Variants in SGK3 observed in about 807,000 individuals in gnomAD.
SGK3 encodes serum/glucocorticoid regulated kinase family member 3.
A neutral mutation model predicts 68.5 loss-of-function variants in SGK3; 47 were observed. That is an observed-to-expected ratio of 0.69 (90% confidence interval 0.54 to 0.87). SGK3 has a LOEUF of 0.87. SGK3 is among the 40% of genes least tolerant of loss of function. The pLI is 0.00. For synonymous variants in SGK3, 181 were observed against 189.1 expected (o/e 0.96, Z 0.35); for missense variants, 479 against 575.5 (o/e 0.83, Z 1.72).
intron 6 of SGK3, among the ~76,000 whole-genome samples, chr8:66,825,007 T>TA (rs1334511695): frequency 6.6e-6 from 1 of 152,216 alleles, no homozygotes; most frequent in Non-Finnish European, 1.5e-5. Context: ...GTAATGTTTT[T>TA]AAAATCTATG....
chr8:66,858,099 A>G (rs968292028), intron 16 of SGK3, among the ~76,000 whole-genome samples: 1 of 152,130 alleles, frequency 6.6e-6, no homozygotes, highest in African/African-American at 2.4e-5. Context: ...TAACCGCTTC[A>G]TTTATTCATC....
chr8:66,821,273 CTG>C (rs992764158), intron 5 of SGK3, among the ~76,000 whole-genome samples: 1 of 151,870 alleles, frequency 6.6e-6, no homozygotes, highest in Admixed American at 6.6e-5. Context: ...CCTTATATGT[CTG>C]TGTATCTTTG....
intron 5 of SGK3, among the ~76,000 whole-genome samples, chr8:66,819,670 T>C (rs752578031): frequency 6.6e-6 from 1 of 152,202 alleles, no homozygotes; most frequent in Non-Finnish European, 1.5e-5. Context: ...ATGTTAACAG[T>C]GGTTGCTTCC....
At chr8:66,768,793 G>C (rs1359934406) in intron 1 of SGK3, among the ~76,000 whole-genome samples, 3 of 152,118 alleles carry the variant, frequency 2.0e-5, no homozygotes, top group African/African-American at 7.2e-5. Context: ...TCGAACTCCT[G>C]ACCTCAAGTG....
At chr8:66,829,867 A>AT (rs10689856) in intron 7 of SGK3, among the ~76,000 whole-genome samples, 10,280 of 137,762 alleles carry the variant, frequency 0.075, 570 homozygotes, top group East Asian at 0.26. Flanking sequence ...CAAAAAATGG[A>AT]TTTTTTTTTT....
intron 10 of SGK3, among the ~76,000 whole-genome samples, chr8:66,837,776 C>G (rs551377112): frequency 1.3e-5 from 2 of 151,874 alleles, no homozygotes; most frequent in East Asian, 1.9e-4. Context: ...AGAACAAGAC[C>G]CTGTGTCAAA....
At chr8:66,775,061 T>A (rs1806639813) in intron 1 of SGK3, 1 of 152,354 alleles carries the variant, frequency 6.6e-6, no homozygotes, top group African/African-American at 2.4e-5. Flanking sequence ...GCCCTGGGGC[T>A]GCACCCCACC....
At chr8:66,729,837 C>T (rs944926970) in intron 1 of SGK3, among the ~76,000 whole-genome samples, 6 of 152,014 alleles carry the variant, frequency 3.9e-5, no homozygotes, top group East Asian at 3.9e-4. Flanking sequence ...TTCCACCTCC[C>T]GGATTCAAGT....
intron 6 of SGK3, among the ~76,000 whole-genome samples, chr8:66,826,892 G>A (rs1448064448): frequency 3.3e-5 from 5 of 151,784 alleles, no homozygotes; most frequent in African/African-American, 2.4e-5. Flanking sequence ...TGATCCACTC[G>A]CCTTGGCCTC....
At position 66,861,099 on chromosome 8, in the gene SGK3, T is replaced by G. The variant is rs1810731145; in HGVS notation, c.*1518T>G. 3 of 152,116 alleles carry G rather than the reference T, an allele frequency of 2.0e-5. No homozygotes were observed. Among genetic ancestry groups the G allele is most frequent in the Non-Finnish European group, 4.4e-5 (3 of 68,038 alleles). 9.4% of individuals were successfully genotyped at this position (152,116 alleles called of 1,614,324 possible). A position where few individuals can be genotyped will look rare whatever the true frequency, so the allele number is the denominator to read the frequency against. On this transcript the variant is annotated 3_prime_UTR_variant, in exon 17 of 17. Coordinates refer to ENST00000521198, the MANE Select transcript of SGK3 (RefSeq NM_001033578.3). Reference sequence around the variant, plus strand: ...AATTGTGCCACTGCACTTTTCAGCCTGGGTGCCACAGCGAGACCCTAGTTA... The same window carrying G: ...AATTGTGCCACTGCACTTTTCAGCCGGGGTGCCACAGCGAGACCCTAGTTA...
In SGK3 at chr8:66,859,608, G is replaced by C; in HGVS notation, c.*27G>C. 6.3e-7 allele frequency: 1 copy of C among 1,596,314 alleles called. No individual in the cohort carries two copies. Among genetic ancestry groups the C allele is most frequent in the Non-Finnish European group, 8.6e-7 (1 of 1,168,148 alleles). On this transcript the variant is annotated 3_prime_UTR_variant, in exon 17 of 17. Transcript: ENST00000521198. ...CAGTTTGCCATTCAGAAACCATTGA[G>C]CAAAATAAGTCTATAGATGGGACTG...
At chr8:66,765,186 A>G (rs577416854) in intron 1 of SGK3, among the ~76,000 whole-genome samples, 1 of 152,346 alleles carries the variant, frequency 6.6e-6, no homozygotes, top group African/African-American at 2.4e-5. Flanking sequence ...CCACCAATGT[A>G]CAAGGCTTCA....
chr8:66,816,337 C>CTTTTTTTTTTTTTTTT (rs1177867449), intron 5 of SGK3, among the ~76,000 whole-genome samples: 1 of 114,122 alleles, frequency 8.8e-6, no homozygotes, highest in African/African-American at 3.5e-5. Context: ...GTGACATTTC[C>CTTTTTTTTTTTTTTTT]TTTTTTTTTT....
chr8:66,729,399 T>C (rs890740524), intron 1 of SGK3, among the ~76,000 whole-genome samples: 2 of 151,678 alleles, frequency 1.3e-5, no homozygotes, highest in African/African-American at 4.9e-5. Context: ...GAGCTTGCAG[T>C]GAGCCGAGAT....
chr8:66,817,599 C>T (rs527381265), intron 5 of SGK3, among the ~76,000 whole-genome samples: 1 of 151,844 alleles, frequency 6.6e-6, no homozygotes, highest in Non-Finnish European at 1.5e-5. Flanking sequence ...GTTATCTCCC[C>T]CCTCGGCCTC....
chr8:66,745,594 CA>C (rs998365009), intron 1 of SGK3, among the ~76,000 whole-genome samples: 7 of 145,666 alleles, frequency 4.8e-5, no homozygotes, highest in Admixed American at 4.0e-4. Flanking sequence ...CAAAACAAAA[CA>C]AAAAAACAAC....
rs1226665079 is a variant in SGK3 at position 66,734,262 on chromosome 8, TG to T, written c.-122+21430del. 5.4e-5 allele frequency among the ~76,000 whole-genome samples: 8 copies of T among 146,818 alleles called. No individual in the cohort carries two copies. In the South Asian group the frequency reaches 1.5e-3, roughly 28 times the overall value. ...TTTTTTTTTTTTTACCATTTTGAAATGATGTATGGTGTGATTGTTAGAGATG... is the reference window on the plus strand; with the variant it reads ...TTTTTTTTTTTTTACCATTTTGAAATATGTATGGTGTGATTGTTAGAGATG... On this transcript the variant is annotated intron_variant, in intron 1 of 16. Transcript: ENST00000521198.
intron 15 of SGK3, among the ~76,000 whole-genome samples, chr8:66,848,435 C>T (rs552377411): frequency 6.6e-6 from 1 of 152,302 alleles, no homozygotes; most frequent in African/African-American, 2.4e-5. Flanking sequence ...CCAGACTTCC[C>T]AGATTCCTTT....
intron 16 of SGK3, among the ~76,000 whole-genome samples, chr8:66,851,529 AT>A (rs1185745315): frequency 1.3e-4 from 20 of 151,200 alleles, no homozygotes; most frequent in African/African-American, 4.2e-4. Context: ...TCAAAATAAA[AT>A]TAAAAAAAAA....
Sources: allele counts gnomAD v4.1 joint callset (sites outside exome capture counted in the v4.1 genomes callset), GRCh38; gene constraint gnomAD v4.1.1; transcripts MANE v1.5; gene names NCBI Gene and HGNC (gene_info 2026-07-23, HGNC 2026-07-21).